Variants in RPS6KC1 observed in about 807,000 individuals in gnomAD.
RPS6KC1 encodes inactive ribosomal protein S6 kinase delta-1.
Under a neutral mutation model 103.8 loss-of-function variants are expected in RPS6KC1, and 54 were observed. The ratio of observed to expected loss-of-function variants is 0.52; its 90% CI spans 0.42 to 0.65. The LOEUF (loss-of-function observed/expected upper bound fraction) is 0.65, where lower values mean the gene tolerates loss of function less well. Among genes scored for constraint, RPS6KC1 ranks in the 30% least tolerant of loss-of-function variants. The probability of loss-of-function intolerance (pLI) is 0.00; values close to 1 mark genes in which losing one functional copy is unlikely to be tolerated. For synonymous variants in RPS6KC1, 439 were observed against 438.7 expected (o/e 1.00, Z -0.01); for missense variants, 1,151 against 1,253.8 (o/e 0.92, Z 1.24).
the RPS6KC1 span, among the ~76,000 whole-genome samples, chr1:213,590,167 A>G: frequency 3.3e-5 from 5 of 152,302 alleles, no homozygotes; most frequent in South Asian, 6.2e-4. Context: ...TAGGGAATGT[A>G]AAATATAGAA....
the RPS6KC1 span, among the ~76,000 whole-genome samples, chr1:213,853,161 G>C: frequency 6.6e-6 from 1 of 152,298 alleles, no homozygotes; most frequent in South Asian, 2.1e-4. Context: ...TCTGCCTGGA[G>C]CTCACACCCC....
At chr1:213,835,030 T>C in the RPS6KC1 span, among the ~76,000 whole-genome samples, 1 of 152,130 alleles carries the variant, frequency 6.6e-6, no homozygotes. Flanking sequence ...AAGTAGATGA[T>C]GGGTGGTGAC....
Position 213,201,787 on chromosome 1 carries a change from A to G in RPS6KC1, c.1044+25295A>G, listed in dbSNP as rs193013398. 2.0e-5 allele frequency among the ~76,000 whole-genome samples: 3 copies of G among 152,366 alleles called. No homozygotes were observed. The East Asian group carries it at 5.8e-4, about 29-fold the overall frequency. On this transcript the variant is annotated intron_variant, in intron 8 of 14. Transcript: ENST00000366960. ...GAGAAAAATCAATACAGTCACTGCC[A>G]TGTTTGGTGAAAGGCATGTGGTACC...
the RPS6KC1 span, among the ~76,000 whole-genome samples, chr1:213,534,494 T>A: frequency 6.6e-6 from 1 of 151,992 alleles, no homozygotes; most frequent in Non-Finnish European, 1.5e-5. Context: ...AAGGAGCAAG[T>A]TTTCAAATCC....
the RPS6KC1 span, among the ~76,000 whole-genome samples, chr1:213,733,759 G>C: frequency 6.6e-6 from 1 of 152,098 alleles, no homozygotes; most frequent in Non-Finnish European, 1.5e-5. Context: ...CATAACTCAA[G>C]GTTCAAGTAG....
the RPS6KC1 span, among the ~76,000 whole-genome samples, chr1:213,843,797 A>G: frequency 6.6e-6 from 1 of 152,192 alleles, no homozygotes; most frequent in Non-Finnish European, 1.5e-5. Flanking sequence ...TTTCTTTCCC[A>G]TCTTCCTTTT....
chr1:213,272,378 C>CTAATTAGA, intron 14 of RPS6KC1, 146 bp from the exon 15 acceptor site: 1 of 630,234 alleles, frequency 1.6e-6, no homozygotes, highest in Non-Finnish European at 2.9e-6. Context: ...AGACATAGCT[C>CTAATTAGA]CCTTTCAAGA....
chr1:213,115,778 G>A (rs979341883), intron 4 of RPS6KC1, among the ~76,000 whole-genome samples: 2 of 152,024 alleles, frequency 1.3e-5, no homozygotes, highest in African/African-American at 4.8e-5. Flanking sequence ...GGTTTCAAAG[G>A]CATCTTTATT....
chr1:213,221,599 T>TA (rs1245979445), intron 8 of RPS6KC1, among the ~76,000 whole-genome samples: 2 of 152,190 alleles, frequency 1.3e-5, no homozygotes, highest in Non-Finnish European at 2.9e-5. Flanking sequence ...ATCTTTTAAT[T>TA]AAAAATTAGC....
At chr1:213,154,426 CG>C (rs1304988472) in intron 6 of RPS6KC1, among the ~76,000 whole-genome samples, 1 of 152,204 alleles carries the variant, frequency 6.6e-6, no homozygotes, top group African/African-American at 2.4e-5. Context: ...GAAGTCTACC[CG>C]GTGTTATCTT....
the RPS6KC1 span, among the ~76,000 whole-genome samples, chr1:213,358,786 T>TGCC: frequency 6.6e-6 from 1 of 152,234 alleles, no homozygotes; most frequent in African/African-American, 2.4e-5. Context: ...AAAGAACATC[T>TGCC]TTATTTCTGC....
chr1:213,727,895 G>A, the RPS6KC1 span, among the ~76,000 whole-genome samples: 6 of 152,278 alleles, frequency 3.9e-5, 1 homozygote, highest in Admixed American at 3.9e-4. Flanking sequence ...GTGTGTAGAG[G>A]AGAGCAATAA....
At chr1:213,091,985 G>A (rs1426709790) in intron 3 of RPS6KC1, among the ~76,000 whole-genome samples, 1 of 150,340 alleles carries the variant, frequency 6.7e-6, no homozygotes, top group East Asian at 1.9e-4. Context: ...ATATGAGTGA[G>A]TGGCATATTA....
At chr1:213,850,268 C>T in the RPS6KC1 span, among the ~76,000 whole-genome samples, 1 of 152,146 alleles carries the variant, frequency 6.6e-6, no homozygotes, top group Non-Finnish European at 1.5e-5. Flanking sequence ...CAAGGTAACA[C>T]ATTTCTATTA....
At chr1:213,590,139 A>C in the RPS6KC1 span, among the ~76,000 whole-genome samples, 1 of 152,188 alleles carries the variant, frequency 6.6e-6, no homozygotes, top group Non-Finnish European at 1.5e-5. Flanking sequence ...TAGAAAAGAA[A>C]AATTGGTGCT....
the RPS6KC1 span, among the ~76,000 whole-genome samples, chr1:213,683,664 C>T: frequency 6.6e-6 from 1 of 152,206 alleles, no homozygotes; most frequent in East Asian, 1.9e-4. Flanking sequence ...AGAGCCCTAA[C>T]TGTCCGAGTT....
intron 6 of RPS6KC1, among the ~76,000 whole-genome samples, chr1:213,158,201 A>G (rs902937984): frequency 3.9e-5 from 6 of 152,196 alleles, no homozygotes; most frequent in African/African-American, 1.4e-4. Flanking sequence ...TTGAAATGGC[A>G]CTAGTTAAAT....
intron 8 of RPS6KC1, among the ~76,000 whole-genome samples, chr1:213,220,020 C>T (rs919371974): frequency 6.6e-6 from 1 of 151,818 alleles, no homozygotes; most frequent in African/African-American, 2.4e-5. Context: ...TTTAAAAAAA[C>T]CCATCATATT....
the RPS6KC1 span, among the ~76,000 whole-genome samples, chr1:213,488,087 T>C: frequency 1.3e-5 from 2 of 152,244 alleles, no homozygotes; most frequent in Admixed American, 1.3e-4. Flanking sequence ...TCATAGCACC[T>C]ATATCTTTCT....
Sources: gnomAD v4.1 joint callset for allele counts (sites outside exome capture counted in the v4.1 genomes callset) on GRCh38, gnomAD v4.1.1 for gene constraint, MANE v1.5 for transcripts, NCBI Gene and HGNC (gene_info 2026-07-23, HGNC 2026-07-21) for gene names.